CHRNB3: variants seen among roughly 807,000 people sequenced by gnomAD.
The protein encoded by CHRNB3 is neuronal acetylcholine receptor subunit beta-3.
CHRNB3 carries 37 observed loss-of-function variants against 40.6 expected under a neutral mutation model. That is an observed-to-expected ratio of 0.91 (90% CI 0.70 to 1.20). The LOEUF is 1.20. Ranked by LOEUF, CHRNB3 falls within the 50% of genes most tolerant of loss-of-function variation. CHRNB3 has a pLI of 0.00. For synonymous variants in CHRNB3, 207 were observed against 207.1 expected (o/e 1.00, Z 0.00); for missense variants, 505 against 551.2 (o/e 0.92, Z 0.84).
Position 42,700,025 on chromosome 8 carries a change from T to C in CHRNB3, c.52+2427T>C, listed in dbSNP as rs577874707. On this transcript the variant is annotated intron_variant, in intron 1 of 5. Transcript: ENST00000289957. The stretch of plus-strand genomic sequence containing the variant: ...TTCTTCAATAATTTCTTTTCTTTTT[T>C]TTTTTTGAGATGGAGTCTCGCTCTG... Among the ~76,000 whole-genome samples, 339 of 152,074 alleles carry C rather than the reference T, an allele frequency of 2.2e-3. 2 individuals are homozygous for C. Among genetic ancestry groups the C allele is most frequent in the South Asian group, 7.3e-3 (35 of 4,816 alleles).
At chr8:42,722,145 G>A (rs922720876) in intron 3 of CHRNB3, among the ~76,000 whole-genome samples, 2 of 151,984 alleles carry the variant, frequency 1.3e-5, no homozygotes, top group Non-Finnish European at 2.9e-5. Context: ...AAGCCGAGGC[G>A]GGTGGATCAC....
At chr8:42,700,615 C>A (rs368576291) in intron 1 of CHRNB3, among the ~76,000 whole-genome samples, 18 of 152,250 alleles carry the variant, frequency 1.2e-4, no homozygotes, top group African/African-American at 3.9e-4. Flanking sequence ...CCACCATGCC[C>A]GGCCCAATTA....
chr8:42,716,663 G>A (rs1816112911), intron 3 of CHRNB3, among the ~76,000 whole-genome samples: 1 of 152,066 alleles, frequency 6.6e-6, no homozygotes, highest in Admixed American at 6.5e-5. Context: ...GGTAACTTCC[G>A]GGTATTGCCA....
chr8:42,716,553 A>G (rs546764263), intron 3 of CHRNB3, among the ~76,000 whole-genome samples: 91 of 152,192 alleles, frequency 6.0e-4, no homozygotes, highest in African/African-American at 1.9e-3. Flanking sequence ...GGCTGCAGGC[A>G]TATTTATACC....
At chr8:42,723,973 CTACT>C (rs1411380448) in intron 3 of CHRNB3, among the ~76,000 whole-genome samples, 1 of 151,972 alleles carries the variant, frequency 6.6e-6, no homozygotes, top group African/African-American at 2.4e-5. Flanking sequence ...GTAATACCAG[CTACT>C]AAGGAGGCTG....
intron 1 of CHRNB3, among the ~76,000 whole-genome samples, chr8:42,707,990 A>C (rs1321745151): frequency 6.6e-6 from 1 of 152,206 alleles, no homozygotes; most frequent in African/African-American, 2.4e-5. Flanking sequence ...GAGACTTCCA[A>C]AGGGAGATGC....
intron 3 of CHRNB3, among the ~76,000 whole-genome samples, chr8:42,724,416 A>T (rs1816270478): frequency 6.6e-6 from 1 of 152,038 alleles, no homozygotes; most frequent in African/African-American, 2.4e-5. Context: ...TGGAACATAG[A>T]CTCACAGCAG....
intron 2 of CHRNB3, among the ~76,000 whole-genome samples, chr8:42,709,820 C>T (rs532815706): frequency 6.6e-5 from 10 of 152,112 alleles, no homozygotes; most frequent in African/African-American, 2.2e-4. Flanking sequence ...TTAGTAGAGA[C>T]GGGGTTTCGC....
intron 2 of CHRNB3, among the ~76,000 whole-genome samples, chr8:42,710,134 G>A (rs573002998): frequency 6.6e-6 from 1 of 152,256 alleles, no homozygotes; most frequent in East Asian, 1.9e-4. Flanking sequence ...TCAAAGGTAA[G>A]ATTCAGATAG....
intron 3 of CHRNB3, among the ~76,000 whole-genome samples, chr8:42,711,083 T>G (rs1175651020): frequency 1.3e-5 from 2 of 152,182 alleles, no homozygotes; most frequent in Non-Finnish European, 2.9e-5. Context: ...CCAAAGGAGT[T>G]TGTTCTAGGA....
chr8:42,699,465 T>G (rs556759133), intron 1 of CHRNB3: 1 of 152,250 alleles, frequency 6.6e-6, no homozygotes, highest in South Asian at 2.1e-4. Flanking sequence ...AGCCATTTTC[T>G]AATAAGCTCT....
At position 42,697,459 on chromosome 8, in the gene CHRNB3, C is replaced by A; in HGVS notation, c.-88C>A. On this transcript the variant is annotated 5_prime_UTR_variant, in exon 1 of 6. In the 5' UTR this introduces an upstream ATG that the reference lacks. Transcript: ENST00000289957. ...GGGTTCCACTTCGGATTTTGAACCC[C>A]TGTATTTTCTTTTCAAAACCCCCTT... is the stretch of plus-strand genomic sequence containing the variant. 6.0e-6 allele frequency: 7 copies of A among 1,164,056 alleles called. No individual in the cohort carries two copies. The South Asian group carries it at 8.6e-5, about 14-fold the overall frequency. 72.1% of individuals were successfully genotyped at this position (1,164,056 alleles called of 1,614,324 possible). A position where few individuals can be genotyped will look rare whatever the true frequency, so the allele number is the denominator to read the frequency against.
At chr8:42,717,370 T>C (rs1244280444) in intron 3 of CHRNB3, among the ~76,000 whole-genome samples, 2 of 8,102 alleles carry the variant, frequency 2.5e-4, no homozygotes, top group South Asian at 9.4e-3. Context: ...CGAGACTCCG[T>C]CTCAAAAAAA....
intron 1 of CHRNB3, among the ~76,000 whole-genome samples, chr8:42,700,104 C>A (rs1220459451): frequency 1.3e-5 from 2 of 150,526 alleles, no homozygotes; most frequent in Non-Finnish European, 2.9e-5. Context: ...AGCTCCGCCT[C>A]CCGGGTTCAC....
chr8:42,725,280 G>C (rs1033196915), intron 3 of CHRNB3, among the ~76,000 whole-genome samples: 12 of 151,466 alleles, frequency 7.9e-5, no homozygotes, highest in Admixed American at 2.0e-4. Context: ...AGTAGAGATG[G>C]GGTTTCTCCA....
At position 42,732,142 on chromosome 8, in the gene CHRNB3, C is replaced by T. The variant is rs1300595069; in HGVS notation, c.835C>T (p.Leu279Phe). Residue 279 changes from leucine (L) to phenylalanine (F), a missense_variant, in exon 5 of 6, where the codon CTT becomes TTT. Leu to Phe is a conservative substitution (Grantham distance 22). Coordinates refer to ENST00000289957, the MANE Select transcript of CHRNB3 (RefSeq NM_000749.5). The stretch of plus-strand genomic sequence containing the variant: ...GGTCTTGGTTTCTCTGACAGTTTTC[C>T]TTTTAGTGATTGAAGAAATCATCCC... The part of the protein sequence containing the change: ...TSVLVSLTVF[L>F]LVIEEIIPSS... 28 of 1,611,802 alleles carry T rather than the reference C, an allele frequency of 1.7e-5. No individual in the cohort carries two copies. Among genetic ancestry groups the T allele is most frequent in the African/African-American group, 2.7e-5 (2 of 74,650 alleles).
chr8:42,736,167 T>C (rs74935792), intron 5 of CHRNB3, among the ~76,000 whole-genome samples: 4,251 of 152,258 alleles, frequency 0.028, 204 homozygotes, highest in African/African-American at 0.098. Flanking sequence ...GCACCTGGCC[T>C]ATAGTGGCTC....
chr8:42,719,482 CA>C (rs1241158667), intron 3 of CHRNB3, among the ~76,000 whole-genome samples: 2 of 152,004 alleles, frequency 1.3e-5, no homozygotes, highest in Non-Finnish European at 2.9e-5. Context: ...CCTGTCTGTA[CA>C]AAAAATAAGA....
intron 4 of CHRNB3, 81 bp downstream of exon 4, chr8:42,730,784 C>CA: frequency 1.3e-6 from 1 of 784,330 alleles, no homozygotes; most frequent in Non-Finnish European, 1.9e-6. Flanking sequence ...CGCGGTGGCT[C>CA]ACGCCTGTAA....
Sources: allele counts gnomAD v4.1 joint callset (sites outside exome capture counted in the v4.1 genomes callset), GRCh38; gene constraint gnomAD v4.1.1; transcripts MANE v1.5; gene names NCBI Gene and HGNC (gene_info 2026-07-23, HGNC 2026-07-21).